The following NCBP3 variants were observed in gnomAD, a reference collection of about 807,000 sequenced individuals.
The protein encoded by NCBP3 is nuclear cap binding subunit 3, also known as nuclear cap-binding protein subunit 3.
A neutral mutation model predicts 75.7 loss-of-function variants in NCBP3; 20 were observed. The ratio of observed to expected loss-of-function variants is 0.26; its 90% CI spans 0.19 to 0.38. The LOEUF is 0.38. Ranked by LOEUF, NCBP3 falls within the 10% of genes least tolerant of loss-of-function variation. NCBP3 has a pLI of 1.00. For synonymous variants in NCBP3, 293 were observed against 290.5 expected, an observed-to-expected ratio of 1.01 and a Z score of -0.09; for missense variants, 678 against 796.9, an observed-to-expected ratio of 0.85 and a Z score of 1.80.
intron 3 of NCBP3, among the ~76,000 whole-genome samples, chr17:3,837,137 G>GAGAGGAAA: frequency 2.0e-5 from 3 of 150,202 alleles, no homozygotes; most frequent in African/African-American, 7.4e-5. Context: ...GACAGAGCAA[G>GAGAGGAAA]ACTCCTTCTC....
rs980608946 is a variant in NCBP3, at chr17:3,812,450, G to A, written c.*594C>T. On this transcript the variant is annotated 3_prime_UTR_variant, in exon 13 of 13. Coordinates refer to ENST00000389005, the MANE Select transcript of NCBP3 (RefSeq NM_001114118.3). ...GAGGCCCATGCCATGAGCAATCCCCGAGGGAAGAACGGAAGCACAGTCAAT... is the reference window on the plus strand; with the variant it reads ...GAGGCCCATGCCATGAGCAATCCCCAAGGGAAGAACGGAAGCACAGTCAAT... 3.2e-5 allele frequency: 30 copies of A among 940,792 alleles called. No homozygotes were observed. The South Asian group carries it at 8.3e-4, about 26-fold the overall frequency. 58.3% of individuals were successfully genotyped at this position (940,792 alleles called of 1,614,324 possible). A position where few individuals can be genotyped will look rare whatever the true frequency, so the allele number is the denominator to read the frequency against.
Position 3,812,035 on chromosome 17 carries a change from G to A in NCBP3, c.*1009C>T, listed in dbSNP as rs2053425577. 1.3e-5 allele frequency: 2 copies of A among 152,048 alleles called. No individual in the cohort carries two copies. The highest frequency in any genetic ancestry group is 2.9e-5 in the Non-Finnish European group (2 of 68,010). The allele number at this position is 152,048 out of a possible 1,614,324, so 9.4% of individuals were successfully genotyped here. On this transcript the variant is annotated 3_prime_UTR_variant, in exon 13 of 13. Coordinates refer to ENST00000389005, the MANE Select transcript of NCBP3 (RefSeq NM_001114118.3). ...TAAACAACAGGACCCCATCTCAGAT[G>A]GATGGATTTTTTTTCCTACTGGAGC...
chr17:3,836,307 C>G (rs950752072), intron 3 of NCBP3, among the ~76,000 whole-genome samples: 1 of 152,124 alleles, frequency 6.6e-6, no homozygotes, highest in Non-Finnish European at 1.5e-5. Flanking sequence ...ATGTGCCAAG[C>G]GCCACTCTAT....
At position 3,808,337 on chromosome 17, in the gene NCBP3, GA is replaced by G. The variant is rs1234650894; in HGVS notation, c.*4706del. ...TAGGGCACCTTCCTTAGATTTCTAAGAGGAATTTTAATTACACTCCATTTTT... is the reference window on the plus strand; with the variant it reads ...TAGGGCACCTTCCTTAGATTTCTAAGGGAATTTTAATTACACTCCATTTTT... On this transcript the variant is annotated 3_prime_UTR_variant, in exon 13 of 13. Coordinates refer to ENST00000389005, the MANE Select transcript of NCBP3 (RefSeq NM_001114118.3). 6.6e-6 allele frequency: 1 copy of G among 152,242 alleles called. No homozygotes were observed. The highest frequency in any genetic ancestry group is 2.4e-5 in the African/African-American group (1 of 41,464). The allele number at this position is 152,242 out of a possible 1,614,324, so 9.4% of individuals were successfully genotyped here.
intron 3 of NCBP3, 21 bp from the exon 4 acceptor site, chr17:3,829,389 AAAG>A (rs1220892035): frequency 6.5e-7 from 1 of 1,550,248 alleles, no homozygotes; most frequent in African/African-American, 1.4e-5. Context: ...AAGACACAGA[AAAG>A]ATGATAGAAT....
rs1966621 is a variant in NCBP3, at chr17:3,804,459, T to C, written c.*8585A>G. ...GCTTCGGGAGGCTATGGTGGGAGAA[T>C]TGCTTGAACCTGGGAGGCGGAGGGT... On this transcript the variant is annotated 3_prime_UTR_variant, in exon 13 of 13. Transcript: ENST00000389005. 0.47 allele frequency: 70,728 copies of C among 151,954 alleles called. 16,598 individuals carry two copies. The highest frequency in any genetic ancestry group is 0.62 in the East Asian group (3,173 of 5,134). 9.4% of individuals were successfully genotyped at this position (151,954 alleles called of 1,614,324 possible).
chr17:3,803,886 T>G lies in NCBP3; in HGVS notation c.*9158A>C. 1 of 151,744 alleles carries G rather than the reference T, an allele frequency of 6.6e-6. No individual in the cohort carries two copies. Among genetic ancestry groups the G allele is most frequent in the East Asian group, 2.0e-4 (1 of 5,114 alleles). 9.4% of individuals were successfully genotyped at this position (151,744 alleles called of 1,614,324 possible). On this transcript the variant is annotated 3_prime_UTR_variant, in exon 13 of 13. Coordinates refer to ENST00000389005, the MANE Select transcript of NCBP3 (RefSeq NM_001114118.3). The stretch of plus-strand genomic sequence containing the variant: ...GTCAGGAGATCGAGACCATCCTGGC[T>G]AACACGGTGAAACCCGGTCTCTACT...
chr17:3,814,313 G>A lies in NCBP3; in HGVS notation c.1627+9C>T. Reference sequence around the variant, plus strand: ...ATCCCCATTCCCATCCGTTTTAAGTGTTACCAACCTGATTTCTTCTCCCGA... The same window carrying A: ...ATCCCCATTCCCATCCGTTTTAAGTATTACCAACCTGATTTCTTCTCCCGA... On this transcript the variant is annotated intron_variant, in intron 12 of 12. Coordinates refer to ENST00000389005, the MANE Select transcript of NCBP3 (RefSeq NM_001114118.3). The A allele has an allele frequency of 6.2e-7, 1 of 1,613,830 alleles. No homozygotes were observed. Among genetic ancestry groups the A allele is most frequent in the Non-Finnish European group, 8.5e-7 (1 of 1,179,880 alleles).
rs1027031703 is a variant in NCBP3 at position 3,806,414 on chromosome 17, G to A, written c.*6630C>T. Reference sequence around the variant, plus strand: ...CTTCTGTCAATGGTGTGGGCCTCTCGACCTCACTAACCTATATTGGCCCAG... The same window carrying A: ...CTTCTGTCAATGGTGTGGGCCTCTCAACCTCACTAACCTATATTGGCCCAG... On this transcript the variant is annotated 3_prime_UTR_variant, in exon 13 of 13. Transcript: ENST00000389005. 3.3e-5 allele frequency: 5 copies of A among 152,170 alleles called. No individual in the cohort carries two copies. Among genetic ancestry groups the A allele is most frequent in the African/African-American group, 9.7e-5 (4 of 41,420 alleles). 9.4% of individuals were successfully genotyped at this position (152,170 alleles called of 1,614,324 possible). A position where few individuals can be genotyped will look rare whatever the true frequency, so the allele number is the denominator to read the frequency against.
chr17:3,806,961 G>A lies in NCBP3; in HGVS notation c.*6083C>T, dbSNP rs544063375. The A allele has an allele frequency of 1.9e-3, 290 of 152,238 alleles. 2 individuals are homozygous for A. Among genetic ancestry groups the A allele is most frequent in the African/African-American group, 6.3e-3 (262 of 41,534 alleles). The allele number at this position is 152,238 out of a possible 1,614,324, so 9.4% of individuals were successfully genotyped here. A position where few individuals can be genotyped will look rare whatever the true frequency, so the allele number is the denominator to read the frequency against. Reference sequence around the variant, plus strand: ...AAAGCAATTACTGTACTTATGTATCGAACTTATTTGTGTAGCAACTAATTC... The same window carrying A: ...AAAGCAATTACTGTACTTATGTATCAAACTTATTTGTGTAGCAACTAATTC... On this transcript the variant is annotated 3_prime_UTR_variant, in exon 13 of 13. Transcript: ENST00000389005.
intron 10 of NCBP3, among the ~76,000 whole-genome samples, chr17:3,817,916 A>G (rs759477645): frequency 6.6e-6 from 1 of 152,218 alleles, no homozygotes; most frequent in Non-Finnish European, 1.5e-5. Context: ...CCTCATCTTT[A>G]TAAAAAGTAT....
rs945682367 is a variant in NCBP3 at position 3,834,918 on chromosome 17, G to A, written c.355+5182C>T. 5.6e-4 allele frequency among the ~76,000 whole-genome samples: 85 copies of A among 152,004 alleles called. 2 individuals carry two copies. The highest frequency in any genetic ancestry group is 1.2e-4 in the Non-Finnish European group (8 of 68,008). ...CAAGAAATTCAGAGAATACATAGACGGTGCTCTATTTCAAGTTCATTAAGC... is the reference window on the plus strand; with the variant it reads ...CAAGAAATTCAGAGAATACATAGACAGTGCTCTATTTCAAGTTCATTAAGC... On this transcript the variant is annotated intron_variant, in intron 3 of 12. Coordinates refer to ENST00000389005, the MANE Select transcript of NCBP3 (RefSeq NM_001114118.3).
chr17:3,814,388 T>C lies in NCBP3; in HGVS notation c.1561A>G (p.Ser521Gly). The change falls in exon 12 of 13, where the codon AGT (serine) becomes GGT (glycine). Residue 521 changes from serine (S) to glycine (G), a missense_variant. Physicochemically the swap from Ser to Gly is moderately conservative, Grantham distance 56. Around this residue, in one of 7 missense-constraint regions of NCBP3, gnomAD observed 365 missense variants for 392.7 expected, o/e 0.93. Transcript: ENST00000389005. Reference sequence around the variant, plus strand: ...TCCTGCCTGGGAACACCTAGCCTACTATGCACATCAGAAGAGGGCTCTCTC... The same window carrying C: ...TCCTGCCTGGGAACACCTAGCCTACCATGCACATCAGAAGAGGGCTCTCTC... The part of the protein sequence containing the change: ...VRREPSSDVH[S>G]RLGVPRQDSK... 1.9e-6 allele frequency: 3 copies of C among 1,614,196 alleles called. No homozygotes were observed. Among genetic ancestry groups the C allele is most frequent in the Admixed American group, 1.7e-5 (1 of 60,026 alleles).
chr17:3,841,781 C>T (rs1361389471), intron 2 of NCBP3, among the ~76,000 whole-genome samples: 2 of 142,028 alleles, frequency 1.4e-5, no homozygotes, highest in East Asian at 2.1e-4. Context: ...TGCAGTGAGC[C>T]GTGATCGCAC....
intron 9 of NCBP3, among the ~76,000 whole-genome samples, chr17:3,819,092 CCT>C (rs148189778): frequency 0.029 from 4,450 of 152,096 alleles, 102 homozygotes; most frequent in African/African-American, 0.064. Context: ...TTAAAATGGC[CCT>C]GAGTGTCGTG....
intron 7 of NCBP3, chr17:3,822,752 T>C (rs752724419): frequency 6.6e-6 from 1 of 152,228 alleles, no homozygotes; most frequent in Non-Finnish European, 1.5e-5. Flanking sequence ...CAAACACCAC[T>C]GTAAATATAT....
At chr17:3,814,506 C>G (rs370718531) in intron 11 of NCBP3, 23 bp from the exon 12 acceptor site, 50 of 1,612,478 alleles carry the variant, frequency 3.1e-5, no homozygotes, top group Non-Finnish European at 4.0e-5. Flanking sequence ...AAAAAGTGCA[C>G]CAGTGACCGT....
At chr17:3,845,166 T>C (rs73314083) in intron 1 of NCBP3, among the ~76,000 whole-genome samples, 2,464 of 152,322 alleles carry the variant, frequency 0.016, 73 homozygotes, top group African/African-American at 0.057. Flanking sequence ...TGACACAATA[T>C]AGTGAATGGT....
At chr17:3,820,439 C>A (rs960742683) in intron 9 of NCBP3, among the ~76,000 whole-genome samples, 5 of 152,070 alleles carry the variant, frequency 3.3e-5, no homozygotes, top group African/African-American at 1.2e-4. Flanking sequence ...AAAACAAGAA[C>A]AATTCTTTAT....
Sources: gnomAD v4.1 joint callset for allele counts (sites outside exome capture counted in the v4.1 genomes callset) on GRCh38, gnomAD v4.1.1 for gene constraint, gnomAD v4.1.1 regional missense constraint, MANE v1.5 for transcripts, NCBI Gene and HGNC (gene_info 2026-07-23, HGNC 2026-07-21) for gene names.